The following CFAP206 variants were observed in gnomAD, a reference collection of about 807,000 sequenced individuals.
CFAP206 encodes cilia and flagella associated protein 206.
CFAP206 carries 53 observed loss-of-function variants against 65.4 expected under a neutral mutation model. That is an observed-to-expected ratio of 0.81 (90% CI 0.65 to 1.02). The LOEUF (loss-of-function observed/expected upper bound fraction) is 1.02. CFAP206 is among the 50% of genes least tolerant of loss of function. CFAP206 has a pLI of 0.00. For synonymous variants in CFAP206, 250 were observed against 254.4 expected, an observed-to-expected ratio of 0.98 and a Z score of 0.17; for missense variants, 663 against 753.2, an observed-to-expected ratio of 0.88 and a Z score of 1.40.
intron 3 of CFAP206, 147 bp downstream of exon 3, chr6:87,410,815 A>C: frequency 1.6e-6 from 1 of 641,374 alleles, no homozygotes; most frequent in Non-Finnish European, 2.7e-6. Context: ...ATAACACAAA[A>C]TCTGGAGAGA....
At position 87,461,037 on chromosome 6, in the gene CFAP206, A is replaced by G. The variant is rs948496826; in HGVS notation, c.1510A>G (p.Lys504Glu). Residue 504 changes from lysine (K) to glutamate (E), a missense_variant, in exon 12 of 13, where the codon AAA becomes GAA. By Grantham distance (56) the Lys-to-Glu change is moderately conservative (BLOSUM62 1). Coordinates refer to ENST00000369562, the MANE Select transcript of CFAP206 (RefSeq NM_001031743.3). ...IPYSQMRDAD[K>E]HYIKPITKCE... is the part of the protein sequence containing the mutation. ...ACTTCTTTAGATGAGAGATGCTGAC[A>G]AACATTATATAAAACCAATTACAAA... 1 of 1,580,748 alleles carries G rather than the reference A, an allele frequency of 6.3e-7. No homozygotes were observed. The highest frequency in any genetic ancestry group is 8.6e-7 in the Non-Finnish European group (1 of 1,169,144).
chr6:87,414,494 C>T (rs1386105856), intron 4 of CFAP206, among the ~76,000 whole-genome samples: 1 of 152,244 alleles, frequency 6.6e-6, no homozygotes, highest in African/African-American at 2.4e-5. Context: ...GACGGGATTT[C>T]ACCATGTTGC....
At chr6:87,459,828 T>C (rs1469976374) in intron 11 of CFAP206, among the ~76,000 whole-genome samples, 2 of 152,222 alleles carry the variant, frequency 1.3e-5, no homozygotes, top group African/African-American at 4.8e-5. Flanking sequence ...AATGCCTCGT[T>C]TTCCACTAAA....
At chr6:87,431,992 A>T (rs1768167419) in intron 10 of CFAP206, among the ~76,000 whole-genome samples, 1 of 152,206 alleles carries the variant, frequency 6.6e-6, no homozygotes, top group Non-Finnish European at 1.5e-5. Flanking sequence ...CTTCTCCAAA[A>T]TAAAGAATAA....
In CFAP206 at chr6:87,426,530, A is replaced by G. The variant is rs146590087; in HGVS notation, c.845A>G (p.Asp282Gly). The stretch of plus-strand genomic sequence containing the variant: ...CAAATTATGTTGTTTTCACAGTCAG[A>G]TATAATTACTGGTGCTCAAGAAGTG... Reference protein sequence around the residue: ...YEVFLQIILSDIITGAQEVEM... With the variant: ...YEVFLQIILSGIITGAQEVEM... The change falls in exon 8 of 13, where the codon GAT (aspartate) becomes GGT (glycine). Residue 282 changes from aspartate (D) to glycine (G), a missense_variant. Physicochemically the swap from Asp to Gly is moderately conservative, Grantham distance 94. Transcript: ENST00000369562. 1.3e-6 allele frequency: 2 copies of G among 1,577,762 alleles called. No homozygotes were observed. The highest frequency in any genetic ancestry group is 1.7e-6 in the Non-Finnish European group (2 of 1,162,656).
At chr6:87,460,784 A>G (rs1299485487) in intron 11 of CFAP206, among the ~76,000 whole-genome samples, 2 of 152,066 alleles carry the variant, frequency 1.3e-5, no homozygotes, top group African/African-American at 4.8e-5. Context: ...TCTAAAATAA[A>G]AGTTAAAAAA....
intron 9 of CFAP206, 42 bp from the exon 10 acceptor site, chr6:87,430,991 T>C: frequency 1.3e-6 from 2 of 1,592,690 alleles, no homozygotes; most frequent in Non-Finnish European, 1.7e-6. Context: ...AAATTTAACC[T>C]TCTCACTGAA....
chr6:87,424,878 C>A, intron 7 of CFAP206, among the ~76,000 whole-genome samples: 1 of 152,150 alleles, frequency 6.6e-6, no homozygotes, highest in East Asian at 1.9e-4. Context: ...AAGGGCTTTA[C>A]AATAAGCTAA....
chr6:87,439,451 A>G (rs918160042), intron 11 of CFAP206, among the ~76,000 whole-genome samples: 3 of 151,850 alleles, frequency 2.0e-5, no homozygotes, highest in African/African-American at 7.3e-5. Context: ...TCAAAATTGT[A>G]TTTTGCTTAT....
chr6:87,447,770 T>A (rs1386130884), intron 11 of CFAP206, among the ~76,000 whole-genome samples: 2 of 152,128 alleles, frequency 1.3e-5, no homozygotes, highest in African/African-American at 4.8e-5. Flanking sequence ...TTTCTCCTTG[T>A]ACCTCTGGTA....
intron 12 of CFAP206, among the ~76,000 whole-genome samples, chr6:87,463,662 G>A (rs1768778805): frequency 6.6e-6 from 1 of 152,032 alleles, no homozygotes; most frequent in Non-Finnish European, 1.5e-5. Context: ...TTATATTTTT[G>A]TTAAAAGAAA....
chr6:87,416,084 A>C (rs1285969203), intron 5 of CFAP206, among the ~76,000 whole-genome samples: 1 of 152,162 alleles, frequency 6.6e-6, no homozygotes, highest in Non-Finnish European at 1.5e-5. Context: ...TAGAAAGTGA[A>C]ATATTGCTAA....
rs1396563511 is a variant in CFAP206, at chr6:87,423,166, G to A, written c.841-3360G>A. On this transcript the variant is annotated intron_variant, in intron 7 of 12. Transcript: ENST00000369562. ...ACTCCTGGCCTCAAGTGATCCACCT[G>A]CCTCAGCCTCCCAAAGTGCTGGGAT... Among the ~76,000 whole-genome samples, 4 of 152,210 alleles carry A rather than the reference G, an allele frequency of 2.6e-5. No homozygotes were observed. The East Asian group carries it at 7.7e-4, about 29-fold the overall frequency.
intron 7 of CFAP206, among the ~76,000 whole-genome samples, chr6:87,423,463 A>T (rs1050954381): frequency 2.0e-5 from 3 of 147,818 alleles, no homozygotes; most frequent in Non-Finnish European, 3.0e-5. Flanking sequence ...TTAGCTAGGA[A>T]GGTCTCTTAT....
chr6:87,433,528 G>A lies in CFAP206; in HGVS notation c.1301-1332G>A, dbSNP rs182132002. On this transcript the variant is annotated intron_variant, in intron 10 of 12. Coordinates refer to ENST00000369562, the MANE Select transcript of CFAP206 (RefSeq NM_001031743.3). ...GTTTTGGAAAAGATGTCCCATTTTT[G>A]TAGTTCTTACTGGGTTATTTTAAAC... 2.5e-3 allele frequency among the ~76,000 whole-genome samples: 375 copies of A among 151,998 alleles called. 5 individuals carry two copies. The highest frequency in any genetic ancestry group is 8.1e-3 in the African/African-American group (335 of 41,352).
intron 9 of CFAP206, among the ~76,000 whole-genome samples, chr6:87,430,647 A>C (rs1321437193): frequency 6.6e-6 from 1 of 152,200 alleles, no homozygotes; most frequent in Non-Finnish European, 1.5e-5. Flanking sequence ...CAGCCAGTCT[A>C]TTCTGCTCAA....
intron 11 of CFAP206, among the ~76,000 whole-genome samples, chr6:87,458,849 G>T (rs1341580227): frequency 6.6e-6 from 1 of 152,062 alleles, no homozygotes; most frequent in East Asian, 1.9e-4. Context: ...ATGACTGTTT[G>T]AGGTGATGGA....
rs1745228557 is a variant in CFAP206 at position 87,464,258 on chromosome 6, C to T, written c.*8C>T. 6.2e-7 allele frequency: 1 copy of T among 1,603,470 alleles called. No homozygotes were observed. Among genetic ancestry groups the T allele is most frequent in the African/African-American group, 1.3e-5 (1 of 74,642 alleles). ...GATGTGGATGAAACCTAATTACAGACAACGTTTTAAAATAGATGCTACTCA... is the reference window on the plus strand; with the variant it reads ...GATGTGGATGAAACCTAATTACAGATAACGTTTTAAAATAGATGCTACTCA... On this transcript the variant is annotated 3_prime_UTR_variant, in exon 13 of 13. Coordinates refer to ENST00000369562, the MANE Select transcript of CFAP206 (RefSeq NM_001031743.3).
At chr6:87,459,214 A>G (rs1460841140) in intron 11 of CFAP206, among the ~76,000 whole-genome samples, 4 of 152,134 alleles carry the variant, frequency 2.6e-5, no homozygotes, top group Non-Finnish European at 4.4e-5. Flanking sequence ...ATTTTTCTGC[A>G]AATTAGAAAA....
Sources: gnomAD v4.1 joint callset for allele counts (sites outside exome capture counted in the v4.1 genomes callset) on GRCh38, gnomAD v4.1.1 for gene constraint, MANE v1.5 for transcripts, NCBI Gene and HGNC (gene_info 2026-07-23, HGNC 2026-07-21) for gene names.